Variants in NEMF observed in about 807,000 individuals in gnomAD.
NEMF encodes nuclear export mediator factor.
Under a neutral mutation model 162.2 loss-of-function variants are expected in NEMF, and 89 were observed. The ratio of observed to expected loss-of-function variants is 0.55; its 90% confidence interval spans 0.46 to 0.65. NEMF has a LOEUF of 0.65. NEMF is among the 30% of genes least tolerant of loss of function. NEMF has a pLI of 0.00. For synonymous variants in NEMF, 421 were observed against 404.5 expected (o/e 1.04, Z -0.49); for missense variants, 1,133 against 1,261.9 (o/e 0.90, Z 1.55).
intron 6 of NEMF, among the ~76,000 whole-genome samples, chr14:49,837,508 T>C (rs1193160304): frequency 6.6e-6 from 1 of 151,676 alleles, no homozygotes; most frequent in Non-Finnish European, 1.5e-5. Flanking sequence ...AAAAATAAAT[T>C]AAAAAAGAAA....
In NEMF at chr14:49,839,023, A is replaced by G. The variant is rs1893058503; in HGVS notation, c.507-817T>C. Among the ~76,000 whole-genome samples, 4 of 152,106 alleles carry G rather than the reference A, an allele frequency of 2.6e-5. No homozygotes were observed. In the South Asian group the frequency reaches 8.3e-4, roughly 32 times the overall value. On this transcript the variant is annotated intron_variant, in intron 5 of 32. Transcript: ENST00000298310. ...GAATTAGCAGAGGGTGGGGGTGGCAATCTATGTTTTAACAAGCCCTCCAGG... is the reference window on the plus strand; with the variant it reads ...GAATTAGCAGAGGGTGGGGGTGGCAGTCTATGTTTTAACAAGCCCTCCAGG...
Position 49,782,848 on chromosome 14 carries a change from C to A in NEMF, c.*1788G>T. The A allele has an allele frequency of 6.2e-7, 1 of 1,613,708 alleles. No homozygotes were observed. The highest frequency in any genetic ancestry group is 1.1e-5 in the South Asian group (1 of 91,026). ...CTTTCAGGCTAAGCTTAGAAGCAGT[C>A]ATTTGCTTTAAAGAAATGTTAGCCA... On this transcript the variant is annotated 3_prime_UTR_variant, in exon 33 of 33. Coordinates refer to ENST00000298310, the MANE Select transcript of NEMF (RefSeq NM_004713.6).
At chr14:49,831,818 T>C (rs984006905) in intron 10 of NEMF, among the ~76,000 whole-genome samples, 30 of 152,252 alleles carry the variant, frequency 2.0e-4, no homozygotes, top group Admixed American at 1.3e-3. Flanking sequence ...ATGTATTATA[T>C]GGCTAAACAG....
chr14:49,831,173 A>G, intron 11 of NEMF, 126 bp downstream of exon 11: 1 of 589,254 alleles, frequency 1.7e-6, no homozygotes, highest in Non-Finnish European at 3.0e-6. Context: ...ATAAATAAAG[A>G]GGCAGGTCAG....
chr14:49,786,639 A>G, intron 29 of NEMF, 79 bp downstream of exon 29: 1 of 1,391,944 alleles, frequency 7.2e-7, no homozygotes, highest in Non-Finnish European at 1.0e-6. Context: ...TCTAAGTTTT[A>G]ATAAGTTGTG....
intron 5 of NEMF, among the ~76,000 whole-genome samples, chr14:49,839,995 C>CA (rs1402142587): frequency 6.6e-6 from 1 of 152,030 alleles, no homozygotes; most frequent in African/African-American, 2.4e-5. Context: ...CCCATGTCTA[C>CA]AAAAAAATTT....
In NEMF at chr14:49,818,024, G is replaced by C. The variant is rs142742560; in HGVS notation, c.1578-3167C>G. Among the ~76,000 whole-genome samples the C allele has an allele frequency of 3.5e-3, 521 of 150,710 alleles. 3 individuals carry two copies. Among genetic ancestry groups the C allele is most frequent in the African/African-American group, 0.012 (498 of 41,258 alleles). Reference sequence around the variant, plus strand: ...AGAGATGTCAAACAAAACAGAGAGGGAGAAGAGACAAATACAACCAAATTT... The same window carrying C: ...AGAGATGTCAAACAAAACAGAGAGGCAGAAGAGACAAATACAACCAAATTT... On this transcript the variant is annotated intron_variant, in intron 16 of 32. Transcript: ENST00000298310.
intron 14 of NEMF, 70 bp downstream of exon 14, chr14:49,828,546 T>TA (rs1020256035): frequency 7.6e-7 from 1 of 1,317,574 alleles, no homozygotes; most frequent in African/African-American, 1.5e-5. Flanking sequence ...TAAAATTTTT[T>TA]AAAATGTCCT....
intron 1 of NEMF, among the ~76,000 whole-genome samples, chr14:49,852,173 GAA>G (rs61482799): frequency 1.4e-4 from 21 of 151,516 alleles, no homozygotes; most frequent in African/African-American, 4.6e-4. Flanking sequence ...TTACAAGGGA[GAA>G]AAAAAAAAGA....
intron 6 of NEMF, 77 bp downstream of exon 6, chr14:49,838,062 C>G (rs1892995042): frequency 8.7e-7 from 1 of 1,154,686 alleles, no homozygotes; most frequent in Non-Finnish European, 1.3e-6. Context: ...TCTAATAAAA[C>G]CATAAAAGAT....
At chr14:49,793,033 T>C (rs1890527089) in intron 26 of NEMF, among the ~76,000 whole-genome samples, 1 of 152,102 alleles carries the variant, frequency 6.6e-6, no homozygotes. Context: ...TTCAGTAACA[T>C]TTAACTCATC....
At chr14:49,808,113 C>T (rs1479279523) in intron 18 of NEMF, among the ~76,000 whole-genome samples, 1 of 152,032 alleles carries the variant, frequency 6.6e-6, no homozygotes, top group Non-Finnish European at 1.5e-5. Context: ...CAAATATTTT[C>T]TCTTATTCTG....
chr14:49,799,598 A>C, intron 24 of NEMF, 38 bp downstream of exon 24: 1 of 1,596,084 alleles, frequency 6.3e-7, no homozygotes, highest in Non-Finnish European at 8.5e-7. Flanking sequence ...TTATTCACTG[A>C]GAATCGGATG....
intron 22 of NEMF, 74 bp from the exon 23 acceptor site, chr14:49,800,770 A>G: frequency 7.3e-7 from 1 of 1,369,784 alleles, no homozygotes; most frequent in Non-Finnish European, 1.0e-6. Context: ...AATGTCATAA[A>G]AATATTCCAC....
chr14:49,792,387 T>G (rs1890493875), intron 26 of NEMF, among the ~76,000 whole-genome samples: 1 of 152,144 alleles, frequency 6.6e-6, no homozygotes, highest in South Asian at 2.1e-4. Context: ...AATTTTTGTA[T>G]TTTTAATACA....
At chr14:49,798,159 G>T (rs1414602344) in intron 25 of NEMF, among the ~76,000 whole-genome samples, 8 of 152,150 alleles carry the variant, frequency 5.3e-5, no homozygotes, top group African/African-American at 1.9e-4. Context: ...ATGAATGAAT[G>T]ACTTAATAAA....
intron 25 of NEMF, among the ~76,000 whole-genome samples, chr14:49,799,081 C>T (rs533747002): frequency 1.3e-5 from 2 of 151,310 alleles, no homozygotes; most frequent in African/African-American, 2.4e-5. Context: ...TAGTGGCACA[C>T]GCCTGTAGTC....
chr14:49,805,579 T>A (rs533182840), intron 19 of NEMF, among the ~76,000 whole-genome samples: 61 of 144,564 alleles, frequency 4.2e-4, no homozygotes, highest in South Asian at 4.2e-3. Context: ...CAAGTGAATT[T>A]AAAAAAAAAA....
chr14:49,806,348 G>A lies in NEMF; in HGVS notation c.1745-215C>T, dbSNP rs1338359325. On this transcript the variant is annotated intron_variant, in intron 18 of 32. Transcript: ENST00000298310. ...GCAATCTCAGCTCACTGCAACCTCC[G>A]CCTCCCGGGTTCAAGCAATTCTCTG... 2.4e-4 allele frequency among the ~76,000 whole-genome samples: 33 copies of A among 139,630 alleles called. 1 individual carries two copies. The highest frequency in any genetic ancestry group is 1.5e-3 in the Admixed American group (20 of 13,572). 91.6% of individuals were successfully genotyped at this position (139,630 alleles called of 152,430 possible).
Sources: gnomAD v4.1 joint callset for allele counts (sites outside exome capture counted in the v4.1 genomes callset) on GRCh38, gnomAD v4.1.1 for gene constraint, MANE v1.5 for transcripts, NCBI Gene and HGNC (gene_info 2026-07-23, HGNC 2026-07-21) for gene names.